Variants in POLA1 observed in about 807,000 individuals in gnomAD.
The protein encoded by POLA1 is DNA polymerase alpha catalytic subunit.
A neutral mutation model predicts 124.0 loss-of-function variants in POLA1; 15 were observed. That is an observed-to-expected ratio of 0.12 (90% CI 0.08 to 0.19). The LOEUF (loss-of-function observed/expected upper bound fraction) is 0.19, where lower values mean the gene tolerates loss of function less well. Ranked by LOEUF, POLA1 falls within the 10% of genes least tolerant of loss-of-function variation. The probability of loss-of-function intolerance (pLI) is 1.00; values close to 1 mark genes in which losing one functional copy is unlikely to be tolerated. For missense variants in POLA1, 886 were observed against 1,103.4 expected (o/e 0.80, Z 2.79); for synonymous variants, 408 against 389.4 (o/e 1.05, Z -0.56).
At position 24,930,445 on chromosome X, in the gene POLA1, T is replaced by C; in HGVS notation, c.4165-8T>C. On this transcript the variant is annotated splice_polypyrimidine_tract_variant and splice_region_variant and intron_variant, in intron 35 of 36. Coordinates refer to ENST00000379068, the MANE Select transcript of POLA1 (RefSeq NM_001330360.2). ...AGTAGTATTCATTTATTTTCTGTTATATTACAGTATTCTGACAAGTCCCTG... is the reference window on the plus strand; with the variant it reads ...AGTAGTATTCATTTATTTTCTGTTACATTACAGTATTCTGACAAGTCCCTG... 1.8e-6 allele frequency: 2 copies of C among 1,108,676 alleles called. No individual in the cohort carries two copies. The highest frequency in any genetic ancestry group is 2.5e-6 in the Non-Finnish European group (2 of 801,543). The allele number at this position is 1,108,676 out of a possible 1,213,427, so 91.4% of individuals were successfully genotyped here.
Position 24,777,250 on chromosome X carries a change from G to C in POLA1, c.2964+28258G>C, listed in dbSNP as rs11573395. ...AAATAACTTTCTAATCATCCTTGCT[G>C]TATGTATATTTTGGTAAAATCCTGC... On this transcript the variant is annotated intron_variant, in intron 26 of 36. Transcript: ENST00000379068. Among the ~76,000 whole-genome samples, 48 of 112,172 alleles carry C rather than the reference G, an allele frequency of 4.3e-4. No individual in the cohort carries two copies. In the East Asian group the frequency reaches 0.012, roughly 29 times the overall value.
intron 34 of POLA1, among the ~76,000 whole-genome samples, chrX:24,864,601 C>T (rs1241923022): frequency 9.0e-6 from 1 of 111,719 alleles, no homozygotes; most frequent in East Asian, 2.8e-4. Context: ...TCCTTGTTTT[C>T]ACACAACTGC....
intron 35 of POLA1, among the ~76,000 whole-genome samples, chrX:24,909,632 A>G (rs2047417800): frequency 9.0e-6 from 1 of 111,392 alleles, no homozygotes; most frequent in Non-Finnish European, 1.9e-5. Flanking sequence ...TGTTTTGGTT[A>G]CTGTAGCCTT....
chrX:24,891,385 A>C (rs1256285522), intron 35 of POLA1, among the ~76,000 whole-genome samples: 2 of 111,611 alleles, frequency 1.8e-5, no homozygotes, highest in African/African-American at 6.5e-5. Context: ...CATTCCTGAC[A>C]GGGACCTTGA....
chrX:24,799,279 C>T (rs928400710), intron 26 of POLA1, among the ~76,000 whole-genome samples: 4 of 112,011 alleles, frequency 3.6e-5, no homozygotes, highest in Admixed American at 1.9e-4. Context: ...TGTCCAACTT[C>T]GGGTTCTCCA....
intron 19 of POLA1, among the ~76,000 whole-genome samples, chrX:24,738,646 G>C (rs1419784966): frequency 9.0e-6 from 1 of 111,542 alleles, no homozygotes; most frequent in Non-Finnish European, 1.9e-5. Flanking sequence ...AGGCCTGGGT[G>C]ACTCTTAAAG....
chrX:24,697,972 C>T (rs906158337), intron 1 of POLA1, among the ~76,000 whole-genome samples: 8 of 105,203 alleles, frequency 7.6e-5, no homozygotes, highest in African/African-American at 1.1e-4. Flanking sequence ...GATAGAGTCT[C>T]GCTCTGTCAC....
chrX:24,740,615 C>T (rs757116749), intron 20 of POLA1, among the ~76,000 whole-genome samples: 1 of 111,720 alleles, frequency 9.0e-6, no homozygotes, highest in African/African-American at 3.2e-5. Context: ...GTCTCTATGT[C>T]GTTAACTCTG....
intron 32 of POLA1, among the ~76,000 whole-genome samples, chrX:24,830,471 A>G (rs1475095666): frequency 8.9e-6 from 1 of 112,439 alleles, no homozygotes; most frequent in Non-Finnish European, 1.9e-5. Context: ...ATTATCCCAC[A>G]GTAAAATATG....
rs760960827 is a variant in POLA1 at position 24,952,908 on chromosome X, C to G, written c.4261+22359C>G. On this transcript the variant is annotated intron_variant, in intron 36 of 36. Coordinates refer to ENST00000379068, the MANE Select transcript of POLA1 (RefSeq NM_001330360.2). ...TGTGGTGATACAGTGAGTGCTGATTCATTCATATTTTTGTTATTTGGTTGC... is the reference window on the plus strand; with the variant it reads ...TGTGGTGATACAGTGAGTGCTGATTGATTCATATTTTTGTTATTTGGTTGC... 7.1e-5 allele frequency among the ~76,000 whole-genome samples: 8 copies of G among 112,063 alleles called. No individual in the cohort carries two copies. In the South Asian group the frequency reaches 1.1e-3, roughly 16 times the overall value.
intron 34 of POLA1, among the ~76,000 whole-genome samples, chrX:24,844,520 T>C (rs190588886): frequency 8.5e-4 from 94 of 111,027 alleles, no homozygotes; most frequent in African/African-American, 2.9e-3. Context: ...CCTATGACTT[T>C]TCTAAAGATT....
intron 34 of POLA1, among the ~76,000 whole-genome samples, chrX:24,886,698 A>G (rs897615109): frequency 5.4e-5 from 6 of 112,103 alleles, no homozygotes; most frequent in African/African-American, 1.6e-4. Context: ...ACCAACACTC[A>G]TGTATATACT....
intron 26 of POLA1, among the ~76,000 whole-genome samples, chrX:24,756,297 C>G (rs1932598549): frequency 9.0e-6 from 1 of 110,872 alleles, no homozygotes; most frequent in South Asian, 3.8e-4. Flanking sequence ...CGCGGTGGCT[C>G]ACACCTGTAA....
In POLA1 at chrX:24,841,818, C is replaced by T. The variant is rs2147061737; in HGVS notation, c.3903C>T (p.Val1301=). 8 of 1,194,778 alleles carry T rather than the reference C, an allele frequency of 6.7e-6. No individual in the cohort carries two copies. Among genetic ancestry groups the T allele is most frequent in the Non-Finnish European group, 9.1e-6 (8 of 882,664 alleles). Reference sequence around the variant, plus strand: ...GAACTGAGAATATTTATGATAATGTCTTTGATGGTTCGGTTAGTTGTTTCT... The same window carrying T: ...GAACTGAGAATATTTATGATAATGTTTTTGATGGTTCGGTTAGTTGTTTCT... ...TCGTENIYDN[V]FDGSGTDMEP... Residue 1301 remains valine, a synonymous_variant, in exon 33 of 37, where the codon GTC becomes GTT. Transcript: ENST00000379068.
intron 32 of POLA1, among the ~76,000 whole-genome samples, chrX:24,833,758 C>T (rs2046301173): frequency 8.9e-6 from 1 of 111,793 alleles, no homozygotes; most frequent in Non-Finnish European, 1.9e-5. Flanking sequence ...AATATATTTC[C>T]AGCACAGAGT....
At chrX:24,717,888 T>G (rs1929955442) in intron 10 of POLA1, 130 bp downstream of exon 10, 2 of 464,253 alleles carry the variant, frequency 4.3e-6, no homozygotes, top group Non-Finnish European at 6.9e-6. Context: ...TTTTTTTTTC[T>G]TTATCCTTAA....
chrX:24,885,816 G>A (rs897709420), intron 34 of POLA1, among the ~76,000 whole-genome samples: 1 of 112,171 alleles, frequency 8.9e-6, no homozygotes. Context: ...GAACCACTGC[G>A]CCCGGCCAGT....
At chrX:24,776,063 T>G (rs1325654559) in intron 26 of POLA1, among the ~76,000 whole-genome samples, 1 of 111,935 alleles carries the variant, frequency 8.9e-6, no homozygotes, top group Non-Finnish European at 1.9e-5. Flanking sequence ...TGTAAGAAAA[T>G]GACTCTCTCA....
intron 36 of POLA1, among the ~76,000 whole-genome samples, chrX:24,989,204 G>A (rs2048509811): frequency 9.0e-6 from 1 of 111,041 alleles, no homozygotes; most frequent in South Asian, 3.8e-4. Flanking sequence ...CAAAATCTTG[G>A]GAATGTTTAA....
Sources: gnomAD v4.1 joint callset for allele counts (sites outside exome capture counted in the v4.1 genomes callset) on GRCh38, gnomAD v4.1.1 for gene constraint, MANE v1.5 for transcripts, NCBI Gene and HGNC (gene_info 2026-07-23, HGNC 2026-07-21) for gene names.